The following MRTFB variants were observed in gnomAD, a reference collection of about 807,000 sequenced individuals.
MRTFB encodes the protein myocardin related transcription factor B, also known as myocardin-related transcription factor B.
Under a neutral mutation model 104.2 loss-of-function variants are expected in MRTFB, and 29 were observed. The observed-to-expected ratio is 0.28, with a 90% confidence interval of 0.21 to 0.38. The LOEUF is 0.38. Ranked by LOEUF, MRTFB falls within the 10% of genes least tolerant of loss-of-function variation. MRTFB has a pLI of 1.00. For missense variants in MRTFB, 1,270 were observed against 1,341.6 expected (o/e 0.95, Z 0.83); for synonymous variants, 535 against 519.5 (o/e 1.03, Z -0.41).
chr16:14,120,998 A>G (rs2036816680), intron 2 of MRTFB, among the ~76,000 whole-genome samples: 1 of 152,216 alleles, frequency 6.6e-6, no homozygotes. Flanking sequence ...ACATAAACTC[A>G]TATATATGTA....
intron 1 of MRTFB, among the ~76,000 whole-genome samples, chr16:14,078,329 T>G (rs2034189246): frequency 6.6e-6 from 1 of 152,192 alleles, no homozygotes; most frequent in Middle Eastern, 3.2e-3. Context: ...AATAATTGAC[T>G]TTGATCTTTT....
chr16:14,264,783 T>C lies in MRTFB; in HGVS notation c.*3339T>C, dbSNP rs2043889352. 6.6e-6 allele frequency: 1 copy of C among 152,226 alleles called. No individual in the cohort carries two copies. Among genetic ancestry groups the C allele is most frequent in the Admixed American group, 6.5e-5 (1 of 15,282 alleles). 9.4% of individuals were successfully genotyped at this position (152,226 alleles called of 1,614,324 possible). A position where few individuals can be genotyped will look rare whatever the true frequency, so the allele number is the denominator to read the frequency against. On this transcript the variant is annotated 3_prime_UTR_variant, in exon 17 of 17. Coordinates refer to ENST00000571589, the MANE Select transcript of MRTFB (RefSeq NM_001308142.2). ...TAGTAATGAGATAGCACCTCTGAAC[T>C]GTGCAGTCAGCATACCCTGAGTGAT...
At chr16:14,094,196 G>A (rs2035238536) in intron 2 of MRTFB, among the ~76,000 whole-genome samples, 1 of 152,066 alleles carries the variant, frequency 6.6e-6, no homozygotes, top group Non-Finnish European at 1.5e-5. Context: ...TGACAAGATT[G>A]CTTTCAGGTA....
chr16:14,251,859 CAGGTTTTCACAAACTCAGCATCAT>C lies in MRTFB; in HGVS notation c.2404-2_2425del. The C allele has an allele frequency of 6.2e-7, 1 of 1,613,422 alleles. No homozygotes were observed. Among genetic ancestry groups the C allele is most frequent in the Non-Finnish European group, 8.5e-7 (1 of 1,179,768 alleles). The stretch of plus-strand genomic sequence containing the variant: ...TTAATGGAGAAACATTTATTCATTA[CAGGTTTTCACAAACTCAGCATCAT>C]CAAATACAGTTCTTCCATATCAGAG... On this transcript the variant is annotated splice_acceptor_variant and coding_sequence_variant, in exon 14 of 17. Coordinates refer to ENST00000571589, the MANE Select transcript of MRTFB (RefSeq NM_001308142.2). LOFTEE classifies it high-confidence loss of function.
chr16:14,260,726 A>G (rs1039871969), intron 16 of MRTFB, among the ~76,000 whole-genome samples, 183 bp from the exon 17 acceptor site: 1 of 152,248 alleles, frequency 6.6e-6, no homozygotes, highest in African/African-American at 2.4e-5. Flanking sequence ...TTTGACTAAA[A>G]TGATCCATCA....
At chr16:14,089,272 A>G (rs922707553) in intron 2 of MRTFB, among the ~76,000 whole-genome samples, 2 of 152,006 alleles carry the variant, frequency 1.3e-5, no homozygotes, top group Non-Finnish European at 2.9e-5. Context: ...CACTTTCATC[A>G]CCCCAAAAAG....
the MRTFB span, among the ~76,000 whole-genome samples, chr16:14,020,000 G>A: frequency 7.7e-3 from 1,169 of 152,250 alleles, 45 homozygotes; most frequent in East Asian, 0.13. Flanking sequence ...TTATTAGGGC[G>A]CTATCAGGGC....
the MRTFB span, among the ~76,000 whole-genome samples, chr16:14,062,117 G>A: frequency 3.3e-5 from 5 of 151,786 alleles, no homozygotes; most frequent in African/African-American, 1.2e-4. Context: ...TTTTGAGATA[G>A]GGTCTTGCTC....
At chr16:14,136,099 C>T (rs2037706413) in intron 2 of MRTFB, among the ~76,000 whole-genome samples, 1 of 152,050 alleles carries the variant, frequency 6.6e-6, no homozygotes, top group South Asian at 2.1e-4. Flanking sequence ...GGTGAGATCC[C>T]TGTCTCTACT....
intron 5 of MRTFB, 100 bp from the exon 6 acceptor site, chr16:14,213,445 C>A (rs1328182521): frequency 4.0e-6 from 3 of 751,230 alleles, no homozygotes; most frequent in Admixed American, 2.8e-5. Context: ...AAACACATGA[C>A]CATAAGCGTA....
In MRTFB at chr16:14,245,645, C is replaced by T. The variant is rs187175321; in HGVS notation, c.1197C>T (p.Ser399=). The change falls in exon 11 of 17, where the codon AGC becomes AGT. Residue 399 remains serine (S), a synonymous_variant. Coordinates refer to ENST00000571589, the MANE Select transcript of MRTFB (RefSeq NM_001308142.2). The part of the protein sequence containing the change: ...PVRKPGPLPS[S]LDDLKVSELK... ...GAAAGCCAGGACCTCTGCCTTCTAG[C>T]CTGGATGACTTAAAGGTGACAATTG... is the stretch of plus-strand genomic sequence containing the variant. The T allele has an allele frequency of 1.9e-4, 300 of 1,612,758 alleles. No homozygotes were observed. The highest frequency in any genetic ancestry group is 2.3e-4 in the Non-Finnish European group (275 of 1,179,686).
At chr16:14,057,929 G>A in the MRTFB span, among the ~76,000 whole-genome samples, 17 of 152,322 alleles carry the variant, frequency 1.1e-4, no homozygotes, top group Admixed American at 3.9e-4. Context: ...AGAGGCCCAC[G>A]GGCCTGTTTG....
chr16:14,115,038 T>C (rs572307135), intron 2 of MRTFB, among the ~76,000 whole-genome samples: 1 of 152,340 alleles, frequency 6.6e-6, no homozygotes, highest in African/African-American at 2.4e-5. Flanking sequence ...TAGTGACCAC[T>C]TAATATAAGT....
chr16:14,179,023 A>G (rs2039681786), intron 3 of MRTFB, among the ~76,000 whole-genome samples: 1 of 152,186 alleles, frequency 6.6e-6, no homozygotes, highest in African/African-American at 2.4e-5. Flanking sequence ...AATTACAGGC[A>G]TGAGCCACCA....
chr16:14,257,935 G>C (rs78018386), intron 15 of MRTFB, among the ~76,000 whole-genome samples, 166 bp from the exon 16 acceptor site: 1 of 152,236 alleles, frequency 6.6e-6, no homozygotes, highest in African/African-American at 2.4e-5. Context: ...CTAACCAGCT[G>C]TACAGCTTGG....
At chr16:14,162,745 G>A (rs1284835694) in intron 3 of MRTFB, among the ~76,000 whole-genome samples, 1 of 152,190 alleles carries the variant, frequency 6.6e-6, no homozygotes, top group African/African-American at 2.4e-5. Flanking sequence ...GTGACTAGAA[G>A]GGAAGCTACA....
chr16:14,203,321 C>T (rs997110135), intron 3 of MRTFB, among the ~76,000 whole-genome samples: 9 of 152,154 alleles, frequency 5.9e-5, no homozygotes, highest in African/African-American at 2.2e-4. Flanking sequence ...TAAAGAATTT[C>T]CAAGACCATG....
At chr16:14,109,183 C>G (rs2055074907) in intron 2 of MRTFB, among the ~76,000 whole-genome samples, 1 of 152,070 alleles carries the variant, frequency 6.6e-6, no homozygotes, top group Non-Finnish European at 1.5e-5. Flanking sequence ...GCAGGCTGTT[C>G]CCAAGGAAGC....
Position 14,076,443 on chromosome 16 carries a change from C to T in MRTFB, c.-128-2847C>T, listed in dbSNP as rs537412239. ...CTCCTGACCTCAGGTTATCCACCTG[C>T]ATCGGCCTCCCAAAGGGCTGGGATT... On this transcript the variant is annotated intron_variant, in intron 1 of 16. Coordinates refer to ENST00000571589, the MANE Select transcript of MRTFB (RefSeq NM_001308142.2). 2.6e-5 allele frequency among the ~76,000 whole-genome samples: 4 copies of T among 152,330 alleles called. No individual in the cohort carries two copies. The South Asian group carries it at 6.2e-4, about 24-fold the overall frequency.
Sources: gnomAD v4.1 joint callset for allele counts (sites outside exome capture counted in the v4.1 genomes callset) on GRCh38, gnomAD v4.1.1 for gene constraint, MANE v1.5 for transcripts, NCBI Gene and HGNC (gene_info 2026-07-23, HGNC 2026-07-21) for gene names.